DDX46: variants seen among roughly 807,000 people sequenced by gnomAD.
The protein encoded by DDX46 is probable ATP-dependent RNA helicase DDX46.
In DDX46, 30 loss-of-function variants were observed where a neutral mutation model predicts 134.9. The ratio of observed to expected loss-of-function variants is 0.22; its 90% CI spans 0.17 to 0.30. DDX46 has a LOEUF of 0.30. Among genes scored for constraint, DDX46 ranks in the 10% least tolerant of loss-of-function variants. The pLI, the probability that DDX46 is intolerant of heterozygous loss-of-function variation, is 1.00. For synonymous variants in DDX46, 415 were observed against 404.1 expected (o/e 1.03, Z -0.32); for missense variants, 622 against 1,248.7 (o/e 0.50, Z 7.56).
Position 134,807,886 on chromosome 5 carries a change from A to G in DDX46, c.2093A>G (p.Asn698Ser), listed in dbSNP as rs1755034401. 1 of 1,614,060 alleles carries G rather than the reference A, an allele frequency of 6.2e-7. No individual in the cohort carries two copies. ...CTTGTAGTAAATTATAGCTGCCCCA[A>G]CCATTATGAGGATTATGTACACAGA... ...LILVVNYSCP[N>S]HYEDYVHRAG... The change falls in exon 16 of 23, where the codon AAC becomes AGC. Residue 698 changes from asparagine (N) to serine (S), a missense_variant. Coordinates refer to ENST00000452510, the MANE Select transcript of DDX46 (RefSeq NM_001300860.2).
chr5:134,770,902 G>A lies in DDX46; in HGVS notation c.351-1G>A. ...TCTTGTCTCTTTTATTTTTTTGGTAGATCTAGGTCCAAAGAGAAAACTGAT... is the reference window on the plus strand; with the variant it reads ...TCTTGTCTCTTTTATTTTTTTGGTAAATCTAGGTCCAAAGAGAAAACTGAT... On this transcript the variant is annotated splice_acceptor_variant, in intron 3 of 22. Coordinates refer to ENST00000452510, the MANE Select transcript of DDX46 (RefSeq NM_001300860.2). LOFTEE classifies it high-confidence loss of function. The A allele has an allele frequency of 6.4e-7, 1 of 1,570,284 alleles. No homozygotes were observed. The highest frequency in any genetic ancestry group is 8.6e-7 in the Non-Finnish European group (1 of 1,165,858).
intron 11 of DDX46, among the ~76,000 whole-genome samples, chr5:134,786,427 T>C (rs1754337038): frequency 6.6e-6 from 1 of 152,068 alleles, no homozygotes; most frequent in Non-Finnish European, 1.5e-5. Context: ...ATTTTACATA[T>C]GAGGAAATAT....
rs116497249 is a variant in DDX46, at chr5:134,783,130, G to C, written c.1166+65G>C. 2.9e-4 allele frequency: 443 copies of C among 1,552,392 alleles called. No homozygotes were observed. In the African/African-American group the frequency reaches 5.2e-3, roughly 18 times the overall value. On this transcript the variant is annotated intron_variant, in intron 9 of 22. Transcript: ENST00000452510. Reference sequence around the variant, plus strand: ...TGCTCAAAATAGTCCTTCCACACCAGTGTCTCCCTGAGTTACATTTTTACT... The same window carrying C: ...TGCTCAAAATAGTCCTTCCACACCACTGTCTCCCTGAGTTACATTTTTACT...
At chr5:134,803,076 C>T (rs1240220720) in intron 15 of DDX46, among the ~76,000 whole-genome samples, 2 of 152,246 alleles carry the variant, frequency 1.3e-5, no homozygotes, top group South Asian at 2.1e-4. Context: ...CTCACTGGAC[C>T]TCCATCTCCC....
At position 134,770,893 on chromosome 5, in the gene DDX46, T is replaced by G. The variant is rs754703371; in HGVS notation, c.351-10T>G. Reference sequence around the variant, plus strand: ...TGACATTTCTCTTGTCTCTTTTATTTTTTTGGTAGATCTAGGTCCAAAGAG... The same window carrying G: ...TGACATTTCTCTTGTCTCTTTTATTGTTTTGGTAGATCTAGGTCCAAAGAG... On this transcript the variant is annotated splice_polypyrimidine_tract_variant and intron_variant, in intron 3 of 22. Coordinates refer to ENST00000452510, the MANE Select transcript of DDX46 (RefSeq NM_001300860.2). 1.3e-6 allele frequency: 2 copies of G among 1,569,148 alleles called. No individual in the cohort carries two copies. Among genetic ancestry groups the G allele is most frequent in the South Asian group, 1.2e-5 (1 of 82,744 alleles).
chr5:134,790,992 C>CGTTTGTA, intron 13 of DDX46, among the ~76,000 whole-genome samples: 1 of 151,536 alleles, frequency 6.6e-6, no homozygotes, highest in South Asian at 2.1e-4. Context: ...GCCCGGTTAA[C>CGTTTGTA]TTTTTAATAG....
In DDX46 at chr5:134,769,775, A is replaced by G. The variant is rs530242776; in HGVS notation, c.351-1128A>G. Among the ~76,000 whole-genome samples the G allele has an allele frequency of 8.3e-3, 1,268 of 151,910 alleles. 16 individuals are homozygous for G. The highest frequency in any genetic ancestry group is 0.028 in the African/African-American group (1,155 of 41,454). On this transcript the variant is annotated intron_variant, in intron 3 of 22. Coordinates refer to ENST00000452510, the MANE Select transcript of DDX46 (RefSeq NM_001300860.2). Reference sequence around the variant, plus strand: ...TTGGTCAGGCTGGTCTAGAACTCCTAACCTCATGTGATCCACCTGCCTCGG... The same window carrying G: ...TTGGTCAGGCTGGTCTAGAACTCCTGACCTCATGTGATCCACCTGCCTCGG...
At chr5:134,770,283 T>C (rs1753720946) in intron 3 of DDX46, among the ~76,000 whole-genome samples, 6 of 151,398 alleles carry the variant, frequency 4.0e-5, no homozygotes, top group Admixed American at 4.0e-4. Flanking sequence ...GGATCATAGC[T>C]GACTGCAGCC....
At chr5:134,779,643 C>T (rs1236110695) in intron 6 of DDX46, among the ~76,000 whole-genome samples, 1 of 152,124 alleles carries the variant, frequency 6.6e-6, no homozygotes, top group Non-Finnish European at 1.5e-5. Context: ...GGACTACAGG[C>T]ATGTACCACC....
chr5:134,774,678 G>A (rs1048963724), intron 5 of DDX46, among the ~76,000 whole-genome samples: 3 of 152,014 alleles, frequency 2.0e-5, no homozygotes, highest in African/African-American at 7.2e-5. Context: ...GCTTTCAAGT[G>A]CCTCCTCTGA....
chr5:134,812,912 A>G (rs1228786932), intron 18 of DDX46, among the ~76,000 whole-genome samples: 2 of 151,788 alleles, frequency 1.3e-5, no homozygotes, highest in African/African-American at 2.4e-5. Context: ...TGTTGGGATT[A>G]TAGGTGTGAG....
In DDX46 at chr5:134,760,762, G is replaced by A. The variant is rs183867630; in HGVS notation, c.17+1807G>A. Among the ~76,000 whole-genome samples the A allele has an allele frequency of 2.7e-3, 415 of 152,222 alleles. 2 individuals carry two copies. Among genetic ancestry groups the A allele is most frequent in the African/African-American group, 9.6e-3 (398 of 41,536 alleles). On this transcript the variant is annotated intron_variant, in intron 1 of 22. Coordinates refer to ENST00000452510, the MANE Select transcript of DDX46 (RefSeq NM_001300860.2). ...GTTTTTGTTTTTGAGACAGAGTCTCGCTCTTTCGCCAGGCTGGAGTGCAGT... is the reference window on the plus strand; with the variant it reads ...GTTTTTGTTTTTGAGACAGAGTCTCACTCTTTCGCCAGGCTGGAGTGCAGT...
intron 21 of DDX46, 29 bp downstream of exon 21, chr5:134,819,033 T>G: frequency 6.2e-7 from 1 of 1,608,142 alleles, no homozygotes; most frequent in African/African-American, 1.3e-5. Flanking sequence ...GTTTCAATCT[T>G]GAATTTAGAT....
At chr5:134,811,553 A>C (rs1755142072) in intron 17 of DDX46, 143 bp from the exon 18 acceptor site, 1 of 1,123,982 alleles carries the variant, frequency 8.9e-7, no homozygotes, top group African/African-American at 1.6e-5. Flanking sequence ...GTGTCTATGT[A>C]GAGCTCTTAG....
chr5:134,810,765 G>T (rs902458382), intron 16 of DDX46, among the ~76,000 whole-genome samples: 24 of 151,764 alleles, frequency 1.6e-4, no homozygotes, highest in African/African-American at 5.8e-4. Flanking sequence ...CAGCACTTTG[G>T]GAGGCCAAGG....
At chr5:134,814,771 A>G (rs142915171) in intron 18 of DDX46, among the ~76,000 whole-genome samples, 1 of 152,220 alleles carries the variant, frequency 6.6e-6, no homozygotes, top group African/African-American at 2.4e-5. Context: ...ATGTGCCACC[A>G]TGCCTGGGTA....
At chr5:134,784,590 A>C (rs757342100) in intron 10 of DDX46, 49 bp downstream of exon 10, 187 of 1,521,122 alleles carry the variant, frequency 1.2e-4, no homozygotes, top group Non-Finnish European at 1.6e-4. Context: ...CTTTGTTGTC[A>C]AACAGAAAGA....
rs1754469367 is a variant in DDX46, at chr5:134,790,500, A to G, written c.1574A>G (p.Tyr525Cys). 1 of 1,613,064 alleles carries G rather than the reference A, an allele frequency of 6.2e-7. No homozygotes were observed. The highest frequency in any genetic ancestry group is 8.5e-7 in the Non-Finnish European group (1 of 1,179,818). The change falls in exon 13 of 23, where the codon TAT becomes TGT. Residue 525 changes from tyrosine to cysteine, a missense_variant. By Grantham distance (194) the Tyr-to-Cys change is radical. Coordinates refer to ENST00000452510, the MANE Select transcript of DDX46 (RefSeq NM_001300860.2). The part of the protein sequence containing the change: ...GRVTNLRRVT[Y>C]VVLDEADRMF... Reference sequence around the variant, plus strand: ...GTCACAAATCTTCGAAGAGTGACATATGTTGTTTTAGATGAAGCAGACAGA... The same window carrying G: ...GTCACAAATCTTCGAAGAGTGACATGTGTTGTTTTAGATGAAGCAGACAGA...
intron 15 of DDX46, chr5:134,804,890 C>A (rs914710065): frequency 2.7e-6 from 1 of 364,058 alleles, no homozygotes; most frequent in Admixed American, 2.9e-5. Context: ...CACATGGAAC[C>A]ACCATAGGCT....
Sources: allele counts gnomAD v4.1 joint callset (sites outside exome capture counted in the v4.1 genomes callset), GRCh38; gene constraint gnomAD v4.1.1; transcripts MANE v1.5; gene names NCBI Gene and HGNC (gene_info 2026-07-23, HGNC 2026-07-21).